STAT3: variants seen among roughly 807,000 people sequenced by gnomAD.
The protein encoded by STAT3 is DNA-binding protein APRF.
STAT3 carries 7 observed loss-of-function variants against 114.3 expected under a neutral mutation model. That is an observed-to-expected ratio of 0.06 (90% CI 0.03 to 0.11). STAT3 has a LOEUF of 0.11. STAT3 is among the 10% of genes least tolerant of loss of function. The pLI, the probability that STAT3 is intolerant of heterozygous loss-of-function variation, is 1.00. For synonymous variants in STAT3, 331 were observed against 354.5 expected (o/e 0.93, Z 0.74); for missense variants, 364 against 960.9 (o/e 0.38, Z 8.21).
At chr17:42,360,117 G>A (rs1250228403) in intron 1 of STAT3, among the ~76,000 whole-genome samples, 3 of 151,344 alleles carry the variant, frequency 2.0e-5, no homozygotes, top group African/African-American at 4.9e-5. Context: ...CACAACACAG[G>A]TAGTAAAGGC....
intron 4 of STAT3, 200 bp downstream of exon 4, chr17:42,345,359 C>CT (rs1248911645): frequency 2.7e-5 from 15 of 551,604 alleles, no homozygotes; most frequent in African/African-American, 5.8e-5. Context: ...GTGGAACTTT[C>CT]TTTTTTTTAG....
At chr17:42,317,407 C>T in intron 21 of STAT3, 183 bp from the exon 22 acceptor site, 1 of 684,430 alleles carries the variant, frequency 1.5e-6, no homozygotes, top group Non-Finnish European at 2.6e-6. Flanking sequence ...TTTGATCTCC[C>T]AGGCACTAGC....
At position 42,333,790 on chromosome 17, in the gene STAT3, C is replaced by T. The variant is rs375422245; in HGVS notation, c.957-25G>A. 7 of 1,614,186 alleles carry T rather than the reference C, an allele frequency of 4.3e-6. No homozygotes were observed. Among genetic ancestry groups the T allele is most frequent in the Non-Finnish European group, 5.1e-6 (6 of 1,180,024 alleles). The stretch of plus-strand genomic sequence containing the variant: ...ACTGAGGAAAGAGAAGATGGGCTCA[C>T]GCGCCACGGCCATGACCAGAAGTCA... On this transcript the variant is annotated intron_variant, in intron 9 of 23. Transcript: ENST00000264657. This position sits in a 1 kb window ranked among gnomAD's most constrained non-coding sequence, Gnocchi z 5.2.
At chr17:42,322,153 A>G (rs1168416331) in intron 21 of STAT3, 129 bp downstream of exon 21, 3 of 907,138 alleles carry the variant, frequency 3.3e-6, no homozygotes, top group Middle Eastern at 3.2e-4. Context: ...ACTCACTACA[A>G]TTCTTTCCCA....
At chr17:42,336,324 C>T (rs1056147948) in intron 8 of STAT3, among the ~76,000 whole-genome samples, 3 of 152,092 alleles carry the variant, frequency 2.0e-5, no homozygotes, top group South Asian at 2.1e-4. Flanking sequence ...GGGCTGGGCA[C>T]GGCAGCTCAC....
intron 20 of STAT3, 66 bp downstream of exon 20, chr17:42,322,938 C>A (rs1403143922): frequency 3.4e-5 from 54 of 1,611,174 alleles, no homozygotes; most frequent in Non-Finnish European, 4.5e-5. Context: ...TAGGTGCTTG[C>A]AACTAGAAGC....
chr17:42,345,281 G>T, intron 4 of STAT3: 3 of 363,996 alleles, frequency 8.2e-6, no homozygotes, highest in Non-Finnish European at 1.5e-5. Flanking sequence ...AAAAAAAAAA[G>T]AAAAACAAAG....
intron 14 of STAT3, among the ~76,000 whole-genome samples, chr17:42,328,353 A>AC (rs1373787185): frequency 1.3e-5 from 2 of 152,194 alleles, no homozygotes; most frequent in Non-Finnish European, 2.9e-5. Context: ...CATACAGGCT[A>AC]CTTCACTCTA....
intron 10 of STAT3, 107 bp from the exon 11 acceptor site, chr17:42,331,638 G>T: frequency 1.1e-6 from 1 of 919,908 alleles, no homozygotes. Context: ...AGGTAAATAG[G>T]CCAAGCTGTC....
chr17:42,366,920 A>C (rs2083832628), intron 1 of STAT3, among the ~76,000 whole-genome samples: 2 of 151,942 alleles, frequency 1.3e-5, no homozygotes, highest in Non-Finnish European at 2.9e-5. Flanking sequence ...GCGAGCAGAT[A>C]AATTAAGGTC....
chr17:42,323,223 G>T (rs773263784), intron 19 of STAT3, 37 bp downstream of exon 19: 1 of 1,614,104 alleles, frequency 6.2e-7, no homozygotes, highest in Non-Finnish European at 8.5e-7. Context: ...GAGAGCAGGG[G>T]ACTTGGTTAC....
intron 1 of STAT3, among the ~76,000 whole-genome samples, chr17:42,350,116 T>C (rs546710174): frequency 2.2e-4 from 33 of 151,612 alleles, no homozygotes; most frequent in African/African-American, 7.5e-4. Context: ...GATGAAGGTA[T>C]GTACAGACCA....
At chr17:42,363,974 T>G (rs951636824) in intron 1 of STAT3, among the ~76,000 whole-genome samples, 1 of 152,152 alleles carries the variant, frequency 6.6e-6, no homozygotes. Flanking sequence ...GGTACATATA[T>G]AAGCATCTGA....
intron 1 of STAT3, among the ~76,000 whole-genome samples, chr17:42,384,132 ATTT>A (rs371933640): frequency 1.2e-4 from 16 of 134,912 alleles, no homozygotes; most frequent in Admixed American, 3.7e-4. Context: ...TTATTTATTT[ATTT>A]TTTTTTTTTT....
At chr17:42,328,801 G>GT (rs1461499639) in intron 14 of STAT3, among the ~76,000 whole-genome samples, 1 of 152,104 alleles carries the variant, frequency 6.6e-6, no homozygotes, top group African/African-American at 2.4e-5. Flanking sequence ...CTAGCCTTCC[G>GT]TCACATTTAC....
intron 1 of STAT3, among the ~76,000 whole-genome samples, chr17:42,380,573 C>CG (rs11449147): frequency 0.025 from 3,638 of 146,876 alleles, 118 homozygotes; most frequent in African/African-American, 0.069. Context: ...TTAGTAGAGA[C>CG]GGGGGGGGTC....
intron 1 of STAT3, among the ~76,000 whole-genome samples, chr17:42,381,200 TACCA>T (rs1392069666): frequency 6.6e-6 from 1 of 152,140 alleles, no homozygotes; most frequent in Non-Finnish European, 1.5e-5. Flanking sequence ...CCCTCAAACA[TACCA>T]ACCAAGTGTT....
At chr17:42,371,040 AG>A (rs1216225421) in intron 1 of STAT3, among the ~76,000 whole-genome samples, 1 of 152,206 alleles carries the variant, frequency 6.6e-6, no homozygotes, top group Non-Finnish European at 1.5e-5. Flanking sequence ...AAAACTTCAG[AG>A]GTAGAACCAA....
At chr17:42,372,715 C>T (rs2084220711) in intron 1 of STAT3, among the ~76,000 whole-genome samples, 1 of 152,104 alleles carries the variant, frequency 6.6e-6, no homozygotes, top group Admixed American at 6.6e-5. Flanking sequence ...GACAGAGTGG[C>T]TCACACCTGT....
Sources: gnomAD v4.1 joint callset for allele counts (sites outside exome capture counted in the v4.1 genomes callset) on GRCh38, gnomAD v4.1.1 for gene constraint, Gnocchi (gnomAD v3.1) non-coding constraint, MANE v1.5 for transcripts, NCBI Gene and HGNC (gene_info 2026-07-23, HGNC 2026-07-21) for gene names.